The following MEIS2 variants were observed in gnomAD, a reference collection of about 807,000 sequenced individuals.
MEIS2 encodes Meis homeobox 2.
MEIS2 carries 9 observed loss-of-function variants against 58.6 expected under a neutral mutation model. The observed-to-expected ratio is 0.15, with a 90% CI of 0.09 to 0.27. The LOEUF (loss-of-function observed/expected upper bound fraction) is 0.27. Ranked by LOEUF, MEIS2 falls within the 10% of genes least tolerant of loss-of-function variation. The pLI, the probability that MEIS2 is intolerant of heterozygous loss-of-function variation, is 1.00. For synonymous variants in MEIS2, 221 were observed against 228.4 expected, an observed-to-expected ratio of 0.97 and a Z score of 0.29; for missense variants, 427 against 635.0, an observed-to-expected ratio of 0.67 and a Z score of 3.52.
chr15:36,952,601 C>CTG (rs2058792065), intron 8 of MEIS2, among the ~76,000 whole-genome samples: 4 of 46,402 alleles, frequency 8.6e-5, no homozygotes, highest in African/African-American at 2.3e-4. Context: ...CTGTCTGTCT[C>CTG]TCTCTCTGTG....
chr15:37,033,430 G>A (rs901487005), intron 8 of MEIS2, among the ~76,000 whole-genome samples: 3 of 152,090 alleles, frequency 2.0e-5, no homozygotes, highest in African/African-American at 7.2e-5. Flanking sequence ...AAAATAATGA[G>A]ATAATTCAAT....
chr15:36,896,806 A>G (rs2056201778), intron 9 of MEIS2, 120 bp from the exon 10 acceptor site: 3 of 839,660 alleles, frequency 3.6e-6, no homozygotes, highest in Non-Finnish European at 5.8e-6. Flanking sequence ...TATCTTTTCA[A>G]TTTAAAGGTG....
chr15:37,000,846 C>A (rs1271415653), intron 8 of MEIS2, among the ~76,000 whole-genome samples: 1 of 152,094 alleles, frequency 6.6e-6, no homozygotes, highest in Non-Finnish European at 1.5e-5. Context: ...CGCTCCCTGC[C>A]CCCTCCCAAG....
intron 1 of MEIS2, chr15:37,098,417 AG>A (rs1894640715): frequency 4.9e-6 from 6 of 1,214,038 alleles, no homozygotes; most frequent in African/African-American, 1.6e-5. Context: ...AGAGAGAGAG[AG>A]AGAGAGAAAA....
At chr15:37,046,140 G>T (rs1028990239) in intron 7 of MEIS2, among the ~76,000 whole-genome samples, 1 of 152,214 alleles carries the variant, frequency 6.6e-6, no homozygotes, top group African/African-American at 2.4e-5. Context: ...CAGGATTTAC[G>T]CAGGCTCTCC....
chr15:36,901,244 T>G (rs2056455535), intron 9 of MEIS2: 1 of 152,216 alleles, frequency 6.6e-6, no homozygotes, highest in Non-Finnish European at 1.5e-5. Flanking sequence ...CACTTGCTCC[T>G]GGCTGGTGTT....
chr15:37,026,221 A>T (rs2061699782), intron 8 of MEIS2, among the ~76,000 whole-genome samples: 1 of 152,196 alleles, frequency 6.6e-6, no homozygotes, highest in Non-Finnish European at 1.5e-5. Flanking sequence ...GGAATAATCT[A>T]GCATTCATCT....
chr15:36,991,818 C>A (rs867362053), intron 8 of MEIS2, among the ~76,000 whole-genome samples: 64 of 98,916 alleles, frequency 6.5e-4, no homozygotes, highest in African/African-American at 2.5e-3. Flanking sequence ...GACGGAGTCT[C>A]GCTCTGTCGC....
intron 8 of MEIS2, among the ~76,000 whole-genome samples, chr15:37,034,196 G>A (rs1004653568): frequency 3.3e-5 from 5 of 152,198 alleles, no homozygotes; most frequent in Admixed American, 2.6e-4. Context: ...TCCTTGAGCA[G>A]AACCAAAACC....
chr15:37,064,378 C>T (rs945364059), intron 7 of MEIS2, among the ~76,000 whole-genome samples: 9 of 151,566 alleles, frequency 5.9e-5, no homozygotes, highest in Admixed American at 3.9e-4. Flanking sequence ...ATATTTACAA[C>T]GTAAATATGT....
At chr15:36,936,582 A>T (rs192021491) in intron 9 of MEIS2, among the ~76,000 whole-genome samples, 54 of 152,324 alleles carry the variant, frequency 3.5e-4, no homozygotes, top group African/African-American at 1.3e-3. Context: ...GTTCCTGAGA[A>T]CCATGTGAAA....
At chr15:36,997,141 C>A (rs987504183) in intron 8 of MEIS2, among the ~76,000 whole-genome samples, 11 of 152,168 alleles carry the variant, frequency 7.2e-5, no homozygotes, top group Non-Finnish European at 1.6e-4. Flanking sequence ...GCTCTCTTTA[C>A]AAAAATTGCC....
chr15:37,063,245 G>A (rs1313851116), intron 7 of MEIS2, among the ~76,000 whole-genome samples: 14 of 152,148 alleles, frequency 9.2e-5, no homozygotes, highest in Admixed American at 9.2e-4. Flanking sequence ...TGCTCAGGGT[G>A]GACGCAAACT....
At chr15:37,006,957 C>G (rs925605504) in intron 8 of MEIS2, among the ~76,000 whole-genome samples, 7 of 152,132 alleles carry the variant, frequency 4.6e-5, no homozygotes, top group African/African-American at 1.7e-4. Context: ...ACACTGATAG[C>G]CGAGGTTGTA....
rs2055778032 is a variant in MEIS2 at position 36,889,347 on chromosome 15, T to C, written c.*2826A>G. On this transcript the variant is annotated 3_prime_UTR_variant, in exon 12 of 12. Transcript: ENST00000561208. ...CCAAATCGGAACTCTTTACACTAAATAGTAAACCCGAGATAGGAGCAAGTG... is the reference window on the plus strand; with the variant it reads ...CCAAATCGGAACTCTTTACACTAAACAGTAAACCCGAGATAGGAGCAAGTG... 1 of 151,744 alleles carries C rather than the reference T, an allele frequency of 6.6e-6. No homozygotes were observed. The highest frequency in any genetic ancestry group is 1.5e-5 in the Non-Finnish European group (1 of 67,980). The allele number at this position is 151,744 out of a possible 1,614,324, so 9.4% of individuals were successfully genotyped here.
At chr15:37,022,725 G>A (rs1296860114) in intron 8 of MEIS2, among the ~76,000 whole-genome samples, 5 of 152,012 alleles carry the variant, frequency 3.3e-5, no homozygotes, top group East Asian at 1.9e-4. Context: ...CTGCAACCTC[G>A]TCTCCCAGGA....
intron 9 of MEIS2, among the ~76,000 whole-genome samples, chr15:36,904,471 C>G (rs148565944): frequency 7.2e-5 from 11 of 152,186 alleles, no homozygotes; most frequent in Non-Finnish European, 1.3e-4. Context: ...ATGAACCACA[C>G]GCTCCTGAGT....
chr15:36,951,094 A>T (rs1026766043), intron 8 of MEIS2, among the ~76,000 whole-genome samples: 2 of 152,112 alleles, frequency 1.3e-5, no homozygotes, highest in African/African-American at 2.4e-5. Context: ...TTTACCTTCA[A>T]CTACAACAAT....
intron 7 of MEIS2, among the ~76,000 whole-genome samples, chr15:37,058,404 C>T (rs1257126758): frequency 6.6e-6 from 1 of 152,302 alleles, no homozygotes; most frequent in East Asian, 1.9e-4. Flanking sequence ...ACAGTCAAAG[C>T]GAAAACCAAG....
Sources: gnomAD v4.1 joint callset for allele counts (sites outside exome capture counted in the v4.1 genomes callset) on GRCh38, gnomAD v4.1.1 for gene constraint, MANE v1.5 for transcripts, NCBI Gene and HGNC (gene_info 2026-07-23, HGNC 2026-07-21) for gene names.